Variants in SLC12A8 observed in about 807,000 individuals in gnomAD.
SLC12A8 encodes solute carrier family 12 member 8, also known as cation-chloride cotransporter 9.
In SLC12A8, 69 loss-of-function variants were observed where a neutral mutation model predicts 75.6. That is an observed-to-expected ratio of 0.91 (90% CI 0.75 to 1.11). The LOEUF is 1.11. Among genes scored for constraint, SLC12A8 ranks in the 50% most tolerant of loss-of-function variants. SLC12A8 has a pLI of 0.00. For synonymous variants in SLC12A8, 365 were observed against 372.8 expected (o/e 0.98, Z 0.24); for missense variants, 877 against 896.7 (o/e 0.98, Z 0.28).
At chr3:125,179,282 A>T (rs1316390625) in intron 4 of SLC12A8, among the ~76,000 whole-genome samples, 2 of 152,192 alleles carry the variant, frequency 1.3e-5, no homozygotes, top group Non-Finnish European at 2.9e-5. Context: ...CATGTCATGA[A>T]CGTAAGTTTG....
At position 125,198,256 on chromosome 3, in the gene SLC12A8, T is replaced by TAAAAA. The variant is rs200980342; in HGVS notation, c.52-7740_52-7736dup. On this transcript the variant is annotated intron_variant, in intron 2 of 13. Transcript: ENST00000469902. ...TACAAAATAACCAACATGTGTTCTTTAAAAAAAAAAAAACAAAACAGTCAA... is the reference window on the plus strand; with the variant it reads ...TACAAAATAACCAACATGTGTTCTTTAAAAAAAAAAAAAAAAAACAAAACAGTCAA... Among the ~76,000 whole-genome samples the TAAAAA allele has an allele frequency of 1.5e-5, 2 of 130,668 alleles. 1 individual carries two copies. The allele number at this position is 130,668 out of a possible 152,430, so 85.7% of individuals were successfully genotyped here.
intron 10 of SLC12A8, among the ~76,000 whole-genome samples, chr3:125,092,893 T>C (rs981949259): frequency 3.3e-5 from 5 of 152,184 alleles, no homozygotes; most frequent in Non-Finnish European, 7.4e-5. Flanking sequence ...AATAATTTTT[T>C]AATGTCAGAG....
intron 12 of SLC12A8, among the ~76,000 whole-genome samples, chr3:125,088,728 C>T (rs2981532): frequency 0.07 from 10,585 of 152,176 alleles, 481 homozygotes; most frequent in South Asian, 0.11. Flanking sequence ...GTTGAATACA[C>T]GCCATAAAAT....
In SLC12A8 at chr3:125,092,101, C is replaced by T. The variant is rs754577145; in HGVS notation, c.1803G>A (p.Gly601=). The T allele has an allele frequency of 1.2e-6, 2 of 1,606,508 alleles. No homozygotes were observed. The highest frequency in any genetic ancestry group is 1.7e-6 in the Non-Finnish European group (2 of 1,173,600). ...HMCNPWVSLL[G]AVGSLLIMFV... ...CTGAGATCAAGATGAAGTTACTCACCCCCAACAGGGAGACCCAGGGGTTGC... is the reference window on the plus strand; with the variant it reads ...CTGAGATCAAGATGAAGTTACTCACTCCCAACAGGGAGACCCAGGGGTTGC... Residue 601 remains glycine (G), a splice_region_variant and synonymous_variant, in exon 11 of 14, where the codon GGG becomes GGA. Coordinates refer to ENST00000469902, the MANE Select transcript of SLC12A8 (RefSeq NM_024628.6).
chr3:125,116,581 T>G (rs1454224186), intron 8 of SLC12A8, among the ~76,000 whole-genome samples: 1 of 152,190 alleles, frequency 6.6e-6, no homozygotes, highest in Non-Finnish European at 1.5e-5. Flanking sequence ...TTTACCCTAC[T>G]GCTGTTTGTG....
At chr3:125,141,957 CGCCCGA>C (rs1318531196) in intron 5 of SLC12A8, among the ~76,000 whole-genome samples, 1 of 152,086 alleles carries the variant, frequency 6.6e-6, no homozygotes, top group Non-Finnish European at 1.5e-5. Context: ...CGCACGACGA[CGCCCGA>C]AGGGCGTCGG....
chr3:125,092,128 C>A lies in SLC12A8; in HGVS notation c.1776G>T (p.Met592Ile). The A allele has an allele frequency of 6.2e-7, 1 of 1,612,924 alleles. No individual in the cohort carries two copies. The highest frequency in any genetic ancestry group is 8.5e-7 in the Non-Finnish European group (1 of 1,179,138). Residue 592 changes from methionine (M) to isoleucine (I), a missense_variant, in exon 11 of 14, where the codon ATG becomes ATT. Met to Ile is a conservative substitution (Grantham distance 10). Transcript: ENST00000469902. ...CCAACAGGGAGACCCAGGGGTTGCA[C>A]ATGTGGGTATAGAAAGAAGTGGATC... Reference protein sequence around the residue: ...WRRSTSFYTHMCNPWVSLLGA... With the variant: ...WRRSTSFYTHICNPWVSLLGA...
chr3:125,204,863 A>T (rs1252780842), intron 2 of SLC12A8, among the ~76,000 whole-genome samples: 1 of 152,120 alleles, frequency 6.6e-6, no homozygotes, highest in African/African-American at 2.4e-5. Flanking sequence ...TAATTATTAT[A>T]TATCAACTTA....
At chr3:125,145,728 A>G (rs1483037135) in intron 5 of SLC12A8, among the ~76,000 whole-genome samples, 1 of 152,270 alleles carries the variant, frequency 6.6e-6, no homozygotes, top group Non-Finnish European at 1.5e-5. Flanking sequence ...AGGCTCAGTA[A>G]GAGACTAGCA....
At chr3:125,092,365 A>G (rs1288804628) in intron 10 of SLC12A8, among the ~76,000 whole-genome samples, 167 bp from the exon 11 acceptor site, 1 of 152,182 alleles carries the variant, frequency 6.6e-6, no homozygotes, top group Admixed American at 6.5e-5. Flanking sequence ...ATGGCCTCCC[A>G]CCAGCCAAGG....
intron 12 of SLC12A8, among the ~76,000 whole-genome samples, chr3:125,091,206 T>C (rs1277387272): frequency 2.0e-5 from 3 of 152,146 alleles, no homozygotes; most frequent in Non-Finnish European, 4.4e-5. Context: ...TCTTGGACTA[T>C]TGTTATTCAT....
chr3:125,152,581 A>G (rs1933953505), intron 5 of SLC12A8, among the ~76,000 whole-genome samples: 2 of 152,202 alleles, frequency 1.3e-5, no homozygotes, highest in Non-Finnish European at 2.9e-5. Context: ...TACAATATCC[A>G]GTAAGTGCTG....
intron 2 of SLC12A8, among the ~76,000 whole-genome samples, chr3:125,195,595 G>GTT (rs34837719): frequency 0.27 from 39,645 of 147,214 alleles, 5,572 homozygotes; most frequent in South Asian, 0.47. Flanking sequence ...TCAATCTGTT[G>GTT]TTTTTTTTTT....
chr3:125,104,671 G>A (rs1938981882), intron 10 of SLC12A8, among the ~76,000 whole-genome samples: 1 of 152,080 alleles, frequency 6.6e-6, no homozygotes, highest in Admixed American at 6.5e-5. Flanking sequence ...GTAGTAATAT[G>A]ACCAGTTAAA....
intron 6 of SLC12A8, among the ~76,000 whole-genome samples, chr3:125,124,515 T>C (rs1201353266): frequency 1.3e-5 from 2 of 152,106 alleles, no homozygotes; most frequent in Non-Finnish European, 2.9e-5. Flanking sequence ...TTAGTAGAGA[T>C]GGGGTTTCAC....
At chr3:125,160,883 GGA>G (rs1379364968) in intron 5 of SLC12A8, among the ~76,000 whole-genome samples, 3 of 152,128 alleles carry the variant, frequency 2.0e-5, no homozygotes, top group Non-Finnish European at 2.9e-5. Context: ...TGGGGAGCTG[GGA>G]GAACTGGGTT....
rs572945960 is a variant in SLC12A8 at position 125,189,805 on chromosome 3, T to C, written c.198+570A>G. On this transcript the variant is annotated intron_variant, in intron 3 of 13. Transcript: ENST00000469902. Reference sequence around the variant, plus strand: ...AGGCACACATCTGCTTGGAAGGTCCTAGGATGCTTTGCATAAGAATTAAAG... The same window carrying C: ...AGGCACACATCTGCTTGGAAGGTCCCAGGATGCTTTGCATAAGAATTAAAG... Among the ~76,000 whole-genome samples, 12 of 152,298 alleles carry C rather than the reference T, an allele frequency of 7.9e-5. No individual in the cohort carries two copies. In the South Asian group the frequency reaches 2.5e-3, roughly 32 times the overall value.
intron 1 of SLC12A8, among the ~76,000 whole-genome samples, chr3:125,211,652 G>T (rs1935338859): frequency 2.0e-5 from 3 of 152,124 alleles, no homozygotes; most frequent in Admixed American, 6.6e-5. Context: ...CTCCTTCCCT[G>T]AGCTCCTTAA....
chr3:125,204,800 T>C (rs1935195314), intron 2 of SLC12A8, among the ~76,000 whole-genome samples: 1 of 152,176 alleles, frequency 6.6e-6, no homozygotes, highest in African/African-American at 2.4e-5. Flanking sequence ...GATTTGATCA[T>C]TACACATTGT....
Sources: allele counts gnomAD v4.1 joint callset (sites outside exome capture counted in the v4.1 genomes callset), GRCh38; gene constraint gnomAD v4.1.1; transcripts MANE v1.5; gene names NCBI Gene and HGNC (gene_info 2026-07-23, HGNC 2026-07-21).